KDM4C: variants seen among roughly 807,000 people sequenced by gnomAD.
KDM4C encodes the protein lysine demethylase 4C.
Under a neutral mutation model 129.3 loss-of-function variants are expected in KDM4C, and 81 were observed. That is an observed-to-expected ratio of 0.63 (90% CI 0.52 to 0.75). The LOEUF is 0.75. Among genes scored for constraint, KDM4C ranks in the 30% least tolerant of loss-of-function variants. The probability of loss-of-function intolerance (pLI) is 0.00; values close to 1 mark genes in which losing one functional copy is unlikely to be tolerated. For missense variants in KDM4C, 1,457 were observed against 1,304.0 expected, an observed-to-expected ratio of 1.12 and a Z score of -1.81; for synonymous variants, 573 against 456.1, an observed-to-expected ratio of 1.26 and a Z score of -3.26.
intron 8 of KDM4C, among the ~76,000 whole-genome samples, chr9:6,952,431 A>ATATATAT (rs71506090): frequency 3.8e-4 from 52 of 138,376 alleles, no homozygotes; most frequent in African/African-American, 1.4e-3. Flanking sequence ...ATATATATAT[A>ATATATAT]ATAATAATTA....
chr9:6,834,752 G>A (rs1588590375), intron 4 of KDM4C: 3 of 1,076,632 alleles, frequency 2.8e-6, no homozygotes, highest in East Asian at 2.4e-5. Flanking sequence ...GGTTCCCGAG[G>A]AGCATCCCAT....
At position 7,174,994 on chromosome 9, in the gene KDM4C, A is replaced by AC. The variant is rs1472482875; in HGVS notation, c.*265_*266insC. ...GATCCCAAAGAAGTTTTCTAAGTGA[A>AC]AGGAAATACTAGTGAATCACCCACA... is the stretch of plus-strand genomic sequence containing the variant. On this transcript the variant is annotated 3_prime_UTR_variant, in exon 22 of 22. Transcript: ENST00000381309. 1 of 331,126 alleles carries AC rather than the reference A, an allele frequency of 3.0e-6. No individual in the cohort carries two copies. The highest frequency in any genetic ancestry group is 4.7e-5 in the East Asian group (1 of 21,400). 20.5% of individuals were successfully genotyped at this position (331,126 alleles called of 1,614,324 possible).
chr9:7,021,311 A>T (rs1232693511), intron 15 of KDM4C, among the ~76,000 whole-genome samples: 1 of 151,546 alleles, frequency 6.6e-6, no homozygotes, highest in African/African-American at 2.4e-5. Context: ...TGCCCGGCTA[A>T]TTTTTGTGTT....
intron 12 of KDM4C, among the ~76,000 whole-genome samples, chr9:6,994,134 G>A (rs1819264930): frequency 6.6e-6 from 1 of 152,040 alleles, no homozygotes; most frequent in African/African-American, 2.4e-5. Flanking sequence ...TACATGCATG[G>A]TTCACAATAG....
intron 12 of KDM4C, among the ~76,000 whole-genome samples, chr9:7,004,511 A>G (rs1283808130): frequency 6.6e-6 from 1 of 152,200 alleles, no homozygotes; most frequent in South Asian, 2.1e-4. Context: ...GTTGTGTAAT[A>G]TATATAGTCA....
At chr9:7,101,881 T>C (rs574460033) in intron 17 of KDM4C, among the ~76,000 whole-genome samples, 2 of 152,322 alleles carry the variant, frequency 1.3e-5, no homozygotes, top group East Asian at 3.9e-4. Context: ...TCTTGAAAGA[T>C]TGAAAATGCC....
Position 6,814,720 on chromosome 9 carries a change from A to AAT in KDM4C, c.410_411insAT (p.Asp137GlufsTer17). The AAT allele has an allele frequency of 6.2e-7, 1 of 1,604,900 alleles. No homozygotes were observed. Among genetic ancestry groups the AAT allele is most frequent in the Non-Finnish European group, 8.5e-7 (1 of 1,172,544 alleles). On this transcript the variant is annotated frameshift_variant, in exon 4 of 22. Transcript: ENST00000381309. LOFTEE classifies it high-confidence loss of function. Reference sequence around the variant, plus strand: ...TTTGTGGCACCTATCTATGGTGCAGATATTAATGGGAGCATATATGATGAG... The same window carrying AAT: ...TTTGTGGCACCTATCTATGGTGCAGAATTATTAATGGGAGCATATATGATGAG...
At chr9:6,835,079 G>C in intron 4 of KDM4C, 6 of 988,382 alleles carry the variant, frequency 6.1e-6, no homozygotes, top group Non-Finnish European at 9.8e-6. Context: ...GATATCGTGC[G>C]TGACATCAAG....
At chr9:7,040,752 C>A (rs1828450555) in intron 15 of KDM4C, among the ~76,000 whole-genome samples, 1 of 151,690 alleles carries the variant, frequency 6.6e-6, no homozygotes, top group Non-Finnish European at 1.5e-5. Context: ...TTAGATGTCA[C>A]TTGTAACTCA....
intron 5 of KDM4C, among the ~76,000 whole-genome samples, chr9:6,862,318 T>A (rs1314212135): frequency 6.6e-6 from 1 of 152,230 alleles, no homozygotes; most frequent in Non-Finnish European, 1.5e-5. Flanking sequence ...TATGAAATGT[T>A]TGATTTTAAC....
chr9:6,944,386 C>T (rs965867649), intron 8 of KDM4C, among the ~76,000 whole-genome samples: 7 of 152,194 alleles, frequency 4.6e-5, no homozygotes, highest in African/African-American at 1.2e-4. Flanking sequence ...TGGAATGGCA[C>T]TTCCTTTTAA....
chr9:7,033,511 A>G (rs534251972), intron 15 of KDM4C, among the ~76,000 whole-genome samples: 1 of 152,262 alleles, frequency 6.6e-6, no homozygotes, highest in African/African-American at 2.4e-5. Context: ...ACTTTAACCA[A>G]ACAGAAGAGC....
chr9:7,096,616 G>A, intron 17 of KDM4C, among the ~76,000 whole-genome samples: 1 of 152,190 alleles, frequency 6.6e-6, no homozygotes, highest in East Asian at 1.9e-4. Flanking sequence ...GAGTATGGCA[G>A]TTGGTCAAGG....
chr9:7,040,305 C>T (rs886963349), intron 15 of KDM4C, among the ~76,000 whole-genome samples: 1 of 150,874 alleles, frequency 6.6e-6, no homozygotes, highest in South Asian at 2.1e-4. Context: ...TTCCTTCCCT[C>T]CCTCCCTCTG....
intron 15 of KDM4C, among the ~76,000 whole-genome samples, chr9:7,039,495 C>A (rs943567839): frequency 6.6e-6 from 1 of 151,332 alleles, no homozygotes; most frequent in Admixed American, 6.6e-5. Flanking sequence ...TACAGCTGAC[C>A]CTTGACCAAC....
intron 12 of KDM4C, among the ~76,000 whole-genome samples, chr9:6,991,259 T>A (rs10815502): frequency 0.047 from 7,049 of 151,182 alleles, 287 homozygotes; most frequent in East Asian, 0.19. Flanking sequence ...AAAAAAAAAA[T>A]TTTTTTTTGT....
intron 8 of KDM4C, among the ~76,000 whole-genome samples, chr9:6,979,898 G>A (rs994816868): frequency 7.2e-5 from 11 of 152,266 alleles, no homozygotes; most frequent in African/African-American, 2.4e-4. Context: ...ATTTGGTAGC[G>A]ACAGAGTGTG....
At chr9:6,769,878 A>G (rs1821390660) in intron 1 of KDM4C, among the ~76,000 whole-genome samples, 1 of 152,222 alleles carries the variant, frequency 6.6e-6, no homozygotes, top group African/African-American at 2.4e-5. Context: ...TTGGTCATGT[A>G]TTTATTAAAA....
rs187719160 is a variant in KDM4C at position 6,742,514 on chromosome 9, T to A, written c.49+21517T>A. Among the ~76,000 whole-genome samples, 360 of 152,064 alleles carry A rather than the reference T, an allele frequency of 2.4e-3. 4 individuals carry two copies. The highest frequency in any genetic ancestry group is 4.0e-4 in the Non-Finnish European group (27 of 67,996). ...TGGCCTTCGTGAGTATCAGTTATTG[T>A]CTTTTGCCAAAATTTAGAAAATTTT... On this transcript the variant is annotated intron_variant, in intron 1 of 17. Coordinates refer to the KDM4C transcript ENST00000536108.
Sources: gnomAD v4.1 joint callset for allele counts (sites outside exome capture counted in the v4.1 genomes callset) on GRCh38, gnomAD v4.1.1 for gene constraint, MANE v1.5 for transcripts, NCBI Gene and HGNC (gene_info 2026-07-23, HGNC 2026-07-21) for gene names.